Variants in BMP8A observed in about 807,000 individuals in gnomAD.
The protein encoded by BMP8A is BMP-8A.
Under a neutral mutation model 36.8 loss-of-function variants are expected in BMP8A, and 14 were observed. The observed-to-expected ratio is 0.38, with a 90% CI of 0.25 to 0.60. The LOEUF (loss-of-function observed/expected upper bound fraction) is 0.60, where lower values mean the gene tolerates loss of function less well. Ranked by LOEUF, BMP8A falls within the 20% of genes least tolerant of loss-of-function variation. BMP8A has a pLI of 0.63. For synonymous variants in BMP8A, 120 were observed against 237.7 expected, an observed-to-expected ratio of 0.50 and a Z score of 4.55; for missense variants, 267 against 551.1, an observed-to-expected ratio of 0.48 and a Z score of 5.16.
chr1:39,495,274 G>A lies in BMP8A; in HGVS notation c.334+2949G>A, dbSNP rs145335322. Among the ~76,000 whole-genome samples, 509 of 152,348 alleles carry A rather than the reference G, an allele frequency of 3.3e-3. 2 individuals are homozygous for A. Among genetic ancestry groups the A allele is most frequent in the African/African-American group, 0.012 (491 of 41,584 alleles). Reference sequence around the variant, plus strand: ...CAGCCTGTGGGACCCAGAGGGCGGGGCTCTCGCTGGCTTCCCACCCATGGG... The same window carrying A: ...CAGCCTGTGGGACCCAGAGGGCGGGACTCTCGCTGGCTTCCCACCCATGGG... On this transcript the variant is annotated intron_variant, in intron 1 of 6. Coordinates refer to ENST00000331593, the MANE Select transcript of BMP8A (RefSeq NM_181809.4).
chr1:39,502,633 A>G (rs1570282141), intron 1 of BMP8A, among the ~76,000 whole-genome samples: 1 of 152,238 alleles, frequency 6.6e-6, no homozygotes, highest in Non-Finnish European at 1.5e-5. Flanking sequence ...ACAGGAGCCA[A>G]CCTGAAGGAG....
chr1:39,498,596 C>T lies in BMP8A; in HGVS notation c.334+6271C>T, dbSNP rs2260475. Among the ~76,000 whole-genome samples the T allele has an allele frequency of 1.3e-4, 20 of 151,962 alleles. No individual in the cohort carries two copies. In the South Asian group the frequency reaches 1.9e-3, roughly 14 times the overall value. On this transcript the variant is annotated intron_variant, in intron 1 of 6. Coordinates refer to ENST00000331593, the MANE Select transcript of BMP8A (RefSeq NM_181809.4). ...AATACCTCAGCATGGAGCCCTGGGC[C>T]CGCCTCGAGGCGGTGCTGAGATTTC...
chr1:39,510,731 C>T (rs980676089), intron 1 of BMP8A, among the ~76,000 whole-genome samples: 2 of 152,218 alleles, frequency 1.3e-5, no homozygotes, highest in South Asian at 2.1e-4. Context: ...GAGATGCCGT[C>T]GGTTATGTCG....
intron 1 of BMP8A, among the ~76,000 whole-genome samples, chr1:39,505,801 G>A (rs1033198633): frequency 2.0e-5 from 3 of 152,036 alleles, no homozygotes; most frequent in Admixed American, 6.6e-5. Flanking sequence ...GGACAACACA[G>A]TGAGCCCTTG....
At chr1:39,512,279 TG>T (rs1298378611) in intron 3 of BMP8A, among the ~76,000 whole-genome samples, 1 of 1,466 alleles carries the variant, frequency 6.8e-4, no homozygotes, top group African/African-American at 2.7e-3. Context: ...TTCCGCAGGA[TG>T]GGGATTCACG....
rs907179936 is a variant in BMP8A at position 39,526,230 on chromosome 1, C to T, written c.*432C>T. Among the ~76,000 whole-genome samples the T allele has an allele frequency of 2.6e-5, 4 of 152,300 alleles. No individual in the cohort carries two copies. In the South Asian group the frequency reaches 8.3e-4, roughly 32 times the overall value. On this transcript the variant is annotated 3_prime_UTR_variant, in exon 7 of 7. Transcript: ENST00000331593. ...GGCCATTTCTGGGCAAAATTGGACA[C>T]GCTTATGTTCTCAGCACAGTGTGTT...
At chr1:39,502,772 A>T (rs1389095851) in intron 1 of BMP8A, among the ~76,000 whole-genome samples, 4 of 152,254 alleles carry the variant, frequency 2.6e-5, no homozygotes, top group African/African-American at 9.6e-5. Flanking sequence ...GGCTGGGCAC[A>T]GTGGCTCACG....
intron 1 of BMP8A, among the ~76,000 whole-genome samples, chr1:39,493,742 T>G (rs1241727487): frequency 6.6e-6 from 1 of 152,030 alleles, no homozygotes; most frequent in East Asian, 1.9e-4. Flanking sequence ...GAGGACAGGG[T>G]GGGGATGTGG....
chr1:39,499,268 G>A (rs867991875), intron 1 of BMP8A, among the ~76,000 whole-genome samples: 4 of 152,180 alleles, frequency 2.6e-5, no homozygotes, highest in South Asian at 4.1e-4. Context: ...GGGACTCTGC[G>A]GGAGGCGTCT....
At chr1:39,496,132 G>A (rs1283805586) in intron 1 of BMP8A, among the ~76,000 whole-genome samples, 1 of 152,154 alleles carries the variant, frequency 6.6e-6, no homozygotes, top group African/African-American at 2.4e-5. Flanking sequence ...CACTTCCTTT[G>A]GTTCTTTACC....
chr1:39,492,355 C>T (rs141888742), intron 1 of BMP8A, 30 bp downstream of exon 1: 28,953 of 1,518,684 alleles, frequency 0.019, 881 homozygotes, highest in African/African-American at 0.14. Flanking sequence ...CGGGGACCCT[C>T]GGAGTAAGCT....
Position 39,491,890 on chromosome 1 carries a change from C to G in BMP8A, c.-102C>G. On this transcript the variant is annotated 5_prime_UTR_variant, in exon 1 of 7. Transcript: ENST00000331593. ...CAGACGCCGCCCGCCGAGCCCCGCC[C>G]CCTGCTCGCCGAACTCAGCTCCCCG... is the stretch of plus-strand genomic sequence containing the variant. 1 of 975,430 alleles carries G rather than the reference C, an allele frequency of 1.0e-6. No homozygotes were observed. The highest frequency in any genetic ancestry group is 1.2e-6 in the Non-Finnish European group (1 of 810,898). 60.4% of individuals were successfully genotyped at this position (975,430 alleles called of 1,614,324 possible). A position where few individuals can be genotyped will look rare whatever the true frequency, so the allele number is the denominator to read the frequency against.
chr1:39,505,852 G>A (rs2124340225), intron 1 of BMP8A, among the ~76,000 whole-genome samples: 1 of 152,164 alleles, frequency 6.6e-6, no homozygotes, highest in South Asian at 2.1e-4. Flanking sequence ...TGGGCATGGT[G>A]GGGTGTACCA....
chr1:39,505,277 C>T (rs756488927), intron 1 of BMP8A, among the ~76,000 whole-genome samples: 2 of 152,170 alleles, frequency 1.3e-5, no homozygotes, highest in Non-Finnish European at 2.9e-5. Context: ...GGGCAGAGGT[C>T]CCTGAAGCTT....
chr1:39,525,512 A>ATTC (rs1310521019), intron 6 of BMP8A, 137 bp from the exon 7 acceptor site: 54 of 1,225,656 alleles, frequency 4.4e-5, no homozygotes, highest in Non-Finnish European at 5.3e-5. Context: ...CCTGTTAATA[A>ATTC]TTCTTATTAT....
chr1:39,517,824 C>T (rs1333674016), intron 3 of BMP8A, among the ~76,000 whole-genome samples: 3 of 152,346 alleles, frequency 2.0e-5, no homozygotes, highest in Non-Finnish European at 2.9e-5. Context: ...GAGAGGCTGC[C>T]GGTCCTGAAA....
chr1:39,494,334 CTTTCTTT>C (rs1208792354), intron 1 of BMP8A, among the ~76,000 whole-genome samples: 1,505 of 149,682 alleles, frequency 0.01, 29 homozygotes, highest in African/African-American at 0.035. Flanking sequence ...TTCCTTCTTT[CTTTCTTT>C]TTTCTTTTTT....
Position 39,509,627 on chromosome 1 carries a change from G to A in BMP8A, c.335-1547G>A, listed in dbSNP as rs765902366. On this transcript the variant is annotated intron_variant, in intron 1 of 6. Transcript: ENST00000331593. ...CACGTCTGGCCCCATCCCCCGCCCCGCACAGCTGTTCGCCTGCCCTTGGCT... is the reference window on the plus strand; with the variant it reads ...CACGTCTGGCCCCATCCCCCGCCCCACACAGCTGTTCGCCTGCCCTTGGCT... 3.9e-5 allele frequency among the ~76,000 whole-genome samples: 6 copies of A among 152,136 alleles called. No individual in the cohort carries two copies. In the South Asian group the frequency reaches 1.0e-3, roughly 26 times the overall value.
intron 4 of BMP8A, chr1:39,522,182 TG>T: frequency 1.9e-6 from 1 of 523,472 alleles, no homozygotes; most frequent in Non-Finnish European, 3.4e-6. Flanking sequence ...AGGGGAGGAC[TG>T]GGCACAGTGT....
Sources: allele counts gnomAD v4.1 joint callset (sites outside exome capture counted in the v4.1 genomes callset), GRCh38; gene constraint gnomAD v4.1.1; transcripts MANE v1.5; gene names NCBI Gene and HGNC (gene_info 2026-07-23, HGNC 2026-07-21).